FSTL4: variants seen among roughly 807,000 people sequenced by gnomAD.
The protein encoded by FSTL4 is follistatin like 4, also known as follistatin-related protein 4.
FSTL4 carries 28 observed loss-of-function variants against 78.2 expected under a neutral mutation model. The ratio of observed to expected loss-of-function variants is 0.36; its 90% confidence interval spans 0.27 to 0.49. The LOEUF (loss-of-function observed/expected upper bound fraction) is 0.49. Ranked by LOEUF, FSTL4 falls within the 20% of genes least tolerant of loss-of-function variation. The probability of loss-of-function intolerance (pLI) is 0.98; values close to 1 mark genes in which losing one functional copy is unlikely to be tolerated. For synonymous variants in FSTL4, 422 were observed against 440.5 expected (o/e 0.96, Z 0.53); for missense variants, 922 against 1,084.9 (o/e 0.85, Z 2.11).
At chr5:133,410,169 C>A (rs1426115718) in intron 3 of FSTL4, among the ~76,000 whole-genome samples, 1 of 152,222 alleles carries the variant, frequency 6.6e-6, no homozygotes, top group Non-Finnish European at 1.5e-5. Context: ...AATACGATTT[C>A]TGCCCTTGGG....
the FSTL4 span, among the ~76,000 whole-genome samples, chr5:133,706,936 G>A: frequency 6.6e-6 from 1 of 152,162 alleles, no homozygotes; most frequent in East Asian, 1.9e-4. Context: ...CTCTCGGGAG[G>A]CCACAGCCCA....
chr5:133,358,822 A>G (rs1213298251), intron 4 of FSTL4, among the ~76,000 whole-genome samples: 1 of 151,960 alleles, frequency 6.6e-6, no homozygotes, highest in African/African-American at 2.4e-5. Context: ...CTGGTCTCAA[A>G]CAAGTGAATC....
chr5:133,447,251 T>C (rs1757288884), intron 3 of FSTL4, among the ~76,000 whole-genome samples: 1 of 152,250 alleles, frequency 6.6e-6, no homozygotes, highest in African/African-American at 2.4e-5. Flanking sequence ...TCCAAGCCTC[T>C]ATATGGCCAA....
chr5:133,357,299 G>C (rs1754962729), intron 4 of FSTL4, among the ~76,000 whole-genome samples: 1 of 152,112 alleles, frequency 6.6e-6, no homozygotes, highest in South Asian at 2.1e-4. Flanking sequence ...CTCCCCGTTG[G>C]CCTCTCTGTC....
At chr5:133,626,657 G>T in the FSTL4 span, among the ~76,000 whole-genome samples, 2 of 151,548 alleles carry the variant, frequency 1.3e-5, no homozygotes, top group African/African-American at 4.9e-5. Flanking sequence ...GGATTATTTA[G>T]AACTGTGTTG....
chr5:133,508,343 T>C (rs984233601), intron 3 of FSTL4, among the ~76,000 whole-genome samples: 2 of 152,250 alleles, frequency 1.3e-5, no homozygotes, highest in African/African-American at 4.8e-5. Flanking sequence ...TCAGGTCTCA[T>C]GTGTCAAATG....
At chr5:133,376,888 CAAAA>C (rs56667792) in intron 4 of FSTL4, among the ~76,000 whole-genome samples, 22 of 127,738 alleles carry the variant, frequency 1.7e-4, no homozygotes, top group Admixed American at 2.3e-4. Context: ...GAGTCTGTCT[CAAAA>C]AAAAAAAAAA....
intron 2 of FSTL4, among the ~76,000 whole-genome samples, chr5:133,570,840 T>G (rs986911767): frequency 6.6e-6 from 1 of 152,194 alleles, no homozygotes; most frequent in Non-Finnish European, 1.5e-5. Flanking sequence ...ATTTCCCCTT[T>G]GCGACATTTG....
chr5:133,631,998 TG>T, the FSTL4 span, among the ~76,000 whole-genome samples: 1 of 151,484 alleles, frequency 6.6e-6, no homozygotes, highest in Admixed American at 6.6e-5. Context: ...GGGTCTGTTG[TG>T]GGGTGGGGGT....
chr5:133,459,903 G>A (rs1309948787), intron 3 of FSTL4, among the ~76,000 whole-genome samples: 1 of 152,206 alleles, frequency 6.6e-6, no homozygotes, highest in East Asian at 1.9e-4. Flanking sequence ...CCCTGCCCCT[G>A]TCATGGACAC....
At chr5:133,505,612 T>C (rs147576696) in intron 3 of FSTL4, among the ~76,000 whole-genome samples, 284 of 152,364 alleles carry the variant, frequency 1.9e-3, no homozygotes, top group Middle Eastern at 0.01. Flanking sequence ...TTATTTCCAC[T>C]GGGATGAAGA....
At chr5:133,399,645 C>T (rs571969177) in intron 4 of FSTL4, among the ~76,000 whole-genome samples, 2 of 152,342 alleles carry the variant, frequency 1.3e-5, no homozygotes, top group Admixed American at 1.3e-4. Context: ...GAGCTCTGCC[C>T]CTTCCCACTT....
chr5:133,768,008 T>A, the FSTL4 span, among the ~76,000 whole-genome samples: 5 of 152,156 alleles, frequency 3.3e-5, no homozygotes, highest in African/African-American at 1.2e-4. Context: ...AGAAGACTTG[T>A]ATGAGAACTA....
intron 4 of FSTL4, among the ~76,000 whole-genome samples, chr5:133,384,105 A>G (rs1482861008): frequency 6.6e-6 from 1 of 152,210 alleles, no homozygotes; most frequent in Admixed American, 6.5e-5. Flanking sequence ...GAGGAGAGGT[A>G]AAGACTTCTG....
chr5:133,389,306 G>A (rs912339878), intron 4 of FSTL4, among the ~76,000 whole-genome samples: 4 of 152,146 alleles, frequency 2.6e-5, no homozygotes, highest in Non-Finnish European at 5.9e-5. Context: ...CAGTGAGATT[G>A]ACCAGACTGG....
chr5:133,511,989 G>A (rs1442370672), intron 3 of FSTL4, among the ~76,000 whole-genome samples: 1 of 152,198 alleles, frequency 6.6e-6, no homozygotes, highest in Admixed American at 6.5e-5. Context: ...GCTCCACCAT[G>A]TTTGTAGTGT....
At chr5:133,634,789 G>A in the FSTL4 span, among the ~76,000 whole-genome samples, 2 of 152,102 alleles carry the variant, frequency 1.3e-5, no homozygotes, top group Non-Finnish European at 2.9e-5. Context: ...TACATGATAA[G>A]GTTCTCATGC....
chr5:133,659,963 C>T, the FSTL4 span, among the ~76,000 whole-genome samples: 1 of 152,058 alleles, frequency 6.6e-6, no homozygotes, highest in Admixed American at 6.5e-5. Flanking sequence ...AAGAACAGAA[C>T]AAAAAGAGAC....
the FSTL4 span, among the ~76,000 whole-genome samples, chr5:133,674,642 G>T: frequency 1.3e-5 from 2 of 151,622 alleles, no homozygotes; most frequent in Non-Finnish European, 1.5e-5. Flanking sequence ...AATAAAAACC[G>T]AACCGATGCA....
Sources: gnomAD v4.1 joint callset for allele counts (sites outside exome capture counted in the v4.1 genomes callset) on GRCh38, gnomAD v4.1.1 for gene constraint, MANE v1.5 for transcripts, NCBI Gene and HGNC (gene_info 2026-07-23, HGNC 2026-07-21) for gene names.